PLPPR1: variants seen among roughly 807,000 people sequenced by gnomAD.
PLPPR1 encodes phospholipid phosphatase-related protein type 1.
In PLPPR1, 10 loss-of-function variants were observed where a neutral mutation model predicts 33.1. The ratio of observed to expected loss-of-function variants is 0.30; its 90% CI spans 0.19 to 0.51. The LOEUF (loss-of-function observed/expected upper bound fraction) is 0.51, where lower values mean the gene tolerates loss of function less well. Among genes scored for constraint, PLPPR1 ranks in the 20% least tolerant of loss-of-function variants. PLPPR1 has a pLI of 0.97. For missense variants in PLPPR1, 304 were observed against 408.1 expected, an observed-to-expected ratio of 0.74 and a Z score of 2.20; for synonymous variants, 151 against 151.0, an observed-to-expected ratio of 1.00 and a Z score of 0.00.
At chr9:101,266,924 G>A (rs1465321596) in intron 2 of PLPPR1, among the ~76,000 whole-genome samples, 2 of 152,098 alleles carry the variant, frequency 1.3e-5, no homozygotes, top group African/African-American at 2.4e-5. Context: ...CTCTTCCTAC[G>A]AAAGAGGAAG....
rs1203952838 is a variant in PLPPR1, at chr9:101,156,760, T to A, written c.-45-28690T>A. ...GAGGTTTTAATGAATGAATGGTATGTCAATGGGAAGAGGAGAGGGGAAGGC... is the reference window on the plus strand; with the variant it reads ...GAGGTTTTAATGAATGAATGGTATGACAATGGGAAGAGGAGAGGGGAAGGC... On this transcript the variant is annotated intron_variant, in intron 1 of 7. Coordinates refer to ENST00000374874, the MANE Select transcript of PLPPR1 (RefSeq NM_207299.2). Among the ~76,000 whole-genome samples the A allele has an allele frequency of 3.3e-5, 5 of 152,172 alleles. No individual in the cohort carries two copies. The East Asian group carries it at 9.7e-4, about 29-fold the overall frequency.
At chr9:101,113,767 T>C (rs1040787806) in intron 1 of PLPPR1, among the ~76,000 whole-genome samples, 2 of 136,606 alleles carry the variant, frequency 1.5e-5, no homozygotes, top group African/African-American at 7.3e-5. Context: ...TAGACATACC[T>C]TTTTTTTTCA....
intron 1 of PLPPR1, among the ~76,000 whole-genome samples, chr9:101,114,194 T>C (rs1211694264): frequency 1.3e-5 from 2 of 152,244 alleles, no homozygotes; most frequent in Non-Finnish European, 2.9e-5. Context: ...TAATATTTCA[T>C]TGAACACTGT....
At position 101,225,844 on chromosome 9, in the gene PLPPR1, C is replaced by T. The variant is rs543047110; in HGVS notation, c.63+40287C>T. Among the ~76,000 whole-genome samples the T allele has an allele frequency of 2.7e-5, 4 of 150,634 alleles. No homozygotes were observed. In the South Asian group the frequency reaches 8.4e-4, roughly 32 times the overall value. On this transcript the variant is annotated intron_variant, in intron 2 of 7. Transcript: ENST00000374874. ...AAGATGCTTTGTAAAAATGATAGAT[C>T]CTTTCCTATTTTACCAAACCAGTTG... is the stretch of plus-strand genomic sequence containing the variant.
At chr9:101,190,734 A>G (rs942435158) in intron 2 of PLPPR1, among the ~76,000 whole-genome samples, 1 of 152,160 alleles carries the variant, frequency 6.6e-6, no homozygotes, top group African/African-American at 2.4e-5. Flanking sequence ...TGGGGACCAC[A>G]AGTCAGGAGC....
rs574870825 is a variant in PLPPR1 at position 101,222,883 on chromosome 9, C to G, written c.63+37326C>G. ...TTAATTCACCCACAGACAACAGGACCTATAATGATACATTCTAAGTAAAGC... is the reference window on the plus strand; with the variant it reads ...TTAATTCACCCACAGACAACAGGACGTATAATGATACATTCTAAGTAAAGC... On this transcript the variant is annotated intron_variant, in intron 2 of 7. Transcript: ENST00000374874. Among the ~76,000 whole-genome samples the G allele has an allele frequency of 9.9e-5, 15 of 152,042 alleles. 1 individual carries two copies. The South Asian group carries it at 3.1e-3, about 32-fold the overall frequency.
chr9:101,210,989 G>T (rs950858834), intron 2 of PLPPR1, among the ~76,000 whole-genome samples: 1 of 152,074 alleles, frequency 6.6e-6, no homozygotes, highest in Non-Finnish European at 1.5e-5. Flanking sequence ...GGATGGTCTC[G>T]ATCTCCTGAC....
intron 1 of PLPPR1, among the ~76,000 whole-genome samples, chr9:101,156,219 T>C (rs1407095835): frequency 6.6e-6 from 1 of 151,940 alleles, no homozygotes; most frequent in Non-Finnish European, 1.5e-5. Flanking sequence ...GTTCCGAGTT[T>C]GTTGTGGGTG....
chr9:101,121,275 T>C (rs1212957298), intron 1 of PLPPR1, among the ~76,000 whole-genome samples: 2 of 152,224 alleles, frequency 1.3e-5, no homozygotes, highest in African/African-American at 4.8e-5. Flanking sequence ...TCAGATATTG[T>C]GCTAAGCACT....
At chr9:101,273,506 C>T (rs1452018299) in intron 3 of PLPPR1, among the ~76,000 whole-genome samples, 1 of 152,204 alleles carries the variant, frequency 6.6e-6, no homozygotes, top group African/African-American at 2.4e-5. Context: ...ACTGCAAGGA[C>T]ATGTGCTAAA....
chr9:101,183,215 A>G (rs1291507166), intron 1 of PLPPR1, among the ~76,000 whole-genome samples: 1 of 151,852 alleles, frequency 6.6e-6, no homozygotes, highest in African/African-American at 2.4e-5. Flanking sequence ...ATGGTTTTCC[A>G]TAATATTGAA....
At chr9:101,078,173 GA>G (rs1830568197) in intron 1 of PLPPR1, among the ~76,000 whole-genome samples, 6 of 40,706 alleles carry the variant, frequency 1.5e-4, no homozygotes, top group African/African-American at 4.1e-4. Context: ...AGAAGAAGAA[GA>G]AGAAGAAGAA....
At chr9:101,114,478 A>G (rs78498574) in intron 1 of PLPPR1, among the ~76,000 whole-genome samples, 85 of 152,304 alleles carry the variant, frequency 5.6e-4, no homozygotes, top group African/African-American at 2.0e-3. Context: ...AGATCTTTAG[A>G]TAAGGAATGT....
intron 1 of PLPPR1, among the ~76,000 whole-genome samples, chr9:101,135,351 G>C (rs1831365668): frequency 6.6e-6 from 1 of 152,158 alleles, no homozygotes. Flanking sequence ...CTTAGAATCA[G>C]GTATTGATTC....
chr9:101,291,571 C>T (rs957728548), intron 4 of PLPPR1, among the ~76,000 whole-genome samples: 2 of 152,234 alleles, frequency 1.3e-5, no homozygotes, highest in South Asian at 2.1e-4. Flanking sequence ...CTCACACGGC[C>T]GGGTACTCCT....
Position 101,288,671 on chromosome 9 carries a change from C to T in PLPPR1, c.385+2435C>T, listed in dbSNP as rs530032862. Among the ~76,000 whole-genome samples, 6 of 152,298 alleles carry T rather than the reference C, an allele frequency of 3.9e-5. 1 individual carries two copies. Among genetic ancestry groups the T allele is most frequent in the African/African-American group, 7.2e-5 (3 of 41,560 alleles). On this transcript the variant is annotated intron_variant, in intron 4 of 7. Coordinates refer to ENST00000374874, the MANE Select transcript of PLPPR1 (RefSeq NM_207299.2). ...AGTAAAAAACCTGAGAGACACCTTA[C>T]GCCATCTGGGAACTTGTTAGAAATT...
At chr9:101,210,538 A>G (rs573048131) in intron 2 of PLPPR1, among the ~76,000 whole-genome samples, 1 of 152,268 alleles carries the variant, frequency 6.6e-6, no homozygotes, top group East Asian at 1.9e-4. Flanking sequence ...ATAGTCTCCA[A>G]TCAATTTTTC....
At chr9:101,323,775 G>C (rs1829199524) in intron 7 of PLPPR1, among the ~76,000 whole-genome samples, 1 of 151,750 alleles carries the variant, frequency 6.6e-6, no homozygotes, top group Admixed American at 6.6e-5. Flanking sequence ...GGAGGGAGAG[G>C]TTGCAGTAAG....
At chr9:101,307,482 T>A (rs1828877813) in intron 4 of PLPPR1, among the ~76,000 whole-genome samples, 1 of 152,186 alleles carries the variant, frequency 6.6e-6, no homozygotes, top group Non-Finnish European at 1.5e-5. Context: ...CCATTCAGAC[T>A]TCCAGTACCT....
Sources: gnomAD v4.1 joint callset for allele counts (sites outside exome capture counted in the v4.1 genomes callset) on GRCh38, gnomAD v4.1.1 for gene constraint, MANE v1.5 for transcripts, NCBI Gene and HGNC (gene_info 2026-07-23, HGNC 2026-07-21) for gene names.